MTMR6: variants seen among roughly 807,000 people sequenced by gnomAD.
MTMR6 encodes the protein phosphatidylinositol-3,5-bisphosphate 3-phosphatase MTMR6.
Under a neutral mutation model 80.1 loss-of-function variants are expected in MTMR6, and 47 were observed. The ratio of observed to expected loss-of-function variants is 0.59; its 90% CI spans 0.46 to 0.75. The LOEUF is 0.75. MTMR6 is among the 30% of genes least tolerant of loss of function. The pLI, the probability that MTMR6 is intolerant of heterozygous loss-of-function variation, is 0.00. For missense variants in MTMR6, 629 were observed against 730.9 expected (o/e 0.86, Z 1.61); for synonymous variants, 254 against 253.0 (o/e 1.00, Z -0.04).
At position 25,266,138 on chromosome 13, in the gene MTMR6, C is replaced by T. The variant is rs762501457; in HGVS notation, c.453G>A (p.Arg151=). 3.1e-6 allele frequency: 5 copies of T among 1,613,518 alleles called. No individual in the cohort carries two copies. Among genetic ancestry groups the T allele is most frequent in the Non-Finnish European group, 4.2e-6 (5 of 1,179,886 alleles). ...NSHWQLSDAN[R]DYKICETYPR... is the part of the protein sequence containing the mutation. ...AATGTTGTTAAGGTACCTTGTAGTC[C>T]CGGTTGGCATCAGACAACTGCCAGT... The change falls in exon 4 of 14, where the codon CGG becomes CGA. Residue 151 remains arginine (R), a synonymous_variant. Coordinates refer to ENST00000381801, the MANE Select transcript of MTMR6 (RefSeq NM_004685.5).
chr13:25,282,145 C>A (rs1957864838), intron 1 of MTMR6, among the ~76,000 whole-genome samples: 1 of 152,034 alleles, frequency 6.6e-6, no homozygotes. Flanking sequence ...CCTGTTGTTC[C>A]CTTTGTTGGG....
intron 9 of MTMR6, among the ~76,000 whole-genome samples, chr13:25,256,637 A>G (rs1184961665): frequency 6.6e-6 from 1 of 152,176 alleles, no homozygotes; most frequent in Non-Finnish European, 1.5e-5. Context: ...CAAAGAAACA[A>G]AAAAAAGGAA....
In MTMR6 at chr13:25,257,830, C is replaced by G; in HGVS notation, c.875G>C (p.Gly292Ala). The G allele has an allele frequency of 6.2e-7, 1 of 1,612,720 alleles. No homozygotes were observed. Among genetic ancestry groups the G allele is most frequent in the Non-Finnish European group, 8.5e-7 (1 of 1,179,270 alleles). ...QKLLEVNGTK[G>A]LSVNDFYSGL... is the part of the protein sequence containing the mutation. ...GGAGTAGAAATCATTGACAGAAAGC[C>G]CTTTAGTGCCATTGACTGAAAGAGG... Residue 292 changes from glycine (G) to alanine (A), a missense_variant, in exon 8 of 14, where the codon GGG (glycine) becomes GCG (alanine). By Grantham distance (60) the Gly-to-Ala change is moderately conservative. Coordinates refer to ENST00000381801, the MANE Select transcript of MTMR6 (RefSeq NM_004685.5).
At chr13:25,263,340 T>G (rs1317966657) in intron 5 of MTMR6, among the ~76,000 whole-genome samples, 1 of 152,096 alleles carries the variant, frequency 6.6e-6, no homozygotes, top group Non-Finnish European at 1.5e-5. Flanking sequence ...ACCACCAGAT[T>G]CTCCCTTACC....
In MTMR6 at chr13:25,267,301, A is replaced by G. The variant is rs117505710; in HGVS notation, c.304+478T>C. Among the ~76,000 whole-genome samples, 295 of 151,284 alleles carry G rather than the reference A, an allele frequency of 1.9e-3. 1 individual carries two copies. The highest frequency in any genetic ancestry group is 3.3e-3 in the Non-Finnish European group (224 of 67,958). Reference sequence around the variant, plus strand: ...TAGGACTGCTATCCCTCTCAACCTTACTTCTACTAAAATAGAATTCACCCT... The same window carrying G: ...TAGGACTGCTATCCCTCTCAACCTTGCTTCTACTAAAATAGAATTCACCCT... On this transcript the variant is annotated intron_variant, in intron 3 of 13. Transcript: ENST00000381801.
At chr13:25,260,774 TTAAC>T in intron 6 of MTMR6, 1 of 558,946 alleles carries the variant, frequency 1.8e-6, no homozygotes. Context: ...AACTGGTTGT[TTAAC>T]TATGTTAATA....
chr13:25,266,088 A>G, intron 4 of MTMR6, 41 bp downstream of exon 4: 1 of 1,609,282 alleles, frequency 6.2e-7, no homozygotes, highest in Non-Finnish European at 8.5e-7. Flanking sequence ...ACCCTCTGGT[A>G]CTAACACTTT....
intron 1 of MTMR6, 73 bp from the exon 2 acceptor site, chr13:25,274,260 C>T (rs1957654961): frequency 2.1e-6 from 2 of 935,188 alleles, no homozygotes; most frequent in Admixed American, 2.6e-5. Context: ...CCAGGACTTA[C>T]ATGCAACATT....
intron 2 of MTMR6, among the ~76,000 whole-genome samples, chr13:25,269,121 C>G (rs1957514110): frequency 6.6e-6 from 1 of 152,148 alleles, no homozygotes; most frequent in South Asian, 2.1e-4. Context: ...TGCCCATGAG[C>G]ACAGGAGGGA....
chr13:25,285,824 G>T (rs1275001242), intron 1 of MTMR6, among the ~76,000 whole-genome samples: 1 of 152,084 alleles, frequency 6.6e-6, no homozygotes, highest in South Asian at 2.1e-4. Context: ...GTGAGCCACC[G>T]TGCCCAGCCT....
chr13:25,265,908 T>G lies in MTMR6; in HGVS notation c.502A>C (p.Ile168Leu). The change falls in exon 5 of 14, where the codon ATA becomes CTA. Residue 168 changes from isoleucine (I) to leucine (L), a missense_variant. Ile to Leu is a conservative substitution (Grantham distance 5). Transcript: ENST00000381801. ...TYPRELYVPR[I>L]ASKPIIVGSS... ...CCAACAATTATTGGTTTGCTTGCTATCCGGGGAACATAAAGTTCTCTGGGG... is the reference window on the plus strand; with the variant it reads ...CCAACAATTATTGGTTTGCTTGCTAGCCGGGGAACATAAAGTTCTCTGGGG... 1 of 1,614,124 alleles carries G rather than the reference T, an allele frequency of 6.2e-7. No homozygotes were observed.
chr13:25,265,995 C>A, intron 4 of MTMR6, 48 bp from the exon 5 acceptor site: 1 of 1,604,492 alleles, frequency 6.2e-7, no homozygotes, highest in South Asian at 1.1e-5. Context: ...AGTTCAAAAC[C>A]ACTTTAAAAA....
chr13:25,264,775 A>AAAAAAAAAAAG (rs1491106020), intron 5 of MTMR6, among the ~76,000 whole-genome samples: 3 of 133,732 alleles, frequency 2.2e-5, no homozygotes, highest in East Asian at 5.2e-4. Flanking sequence ...AAAAAAAAAA[A>AAAAAAAAAAAG]GAAATTTCAG....
intron 1 of MTMR6, among the ~76,000 whole-genome samples, chr13:25,282,119 T>C (rs1957863598): frequency 1.3e-5 from 2 of 152,266 alleles, no homozygotes; most frequent in African/African-American, 2.4e-5. Flanking sequence ...AGGCATGCCC[T>C]CAAAGGGTTT....
chr13:25,251,959 A>G lies in MTMR6; in HGVS notation c.1372T>C (p.Trp458Arg). The stretch of plus-strand genomic sequence containing the variant: ...TTTTGGTCTTCCAAAAGAAATGGCC[A>G]CAGGGAATAAGTCTTCTCCTTCAAC... ...LKLKEKTYSL[W>R]PFLLEDQKKY... The change falls in exon 12 of 14, where the codon TGG (tryptophan) becomes CGG (arginine). Residue 458 changes from tryptophan (W) to arginine (R), a missense_variant. By Grantham distance (101) the Trp-to-Arg change is moderately radical (BLOSUM62 -3). Coordinates refer to ENST00000381801, the MANE Select transcript of MTMR6 (RefSeq NM_004685.5). The surrounding 1 kb of genome is among the most constrained non-coding windows in gnomAD (Gnocchi z 4.1). 1 of 1,611,610 alleles carries G rather than the reference A, an allele frequency of 6.2e-7. No individual in the cohort carries two copies. The highest frequency in any genetic ancestry group is 8.5e-7 in the Non-Finnish European group (1 of 1,179,148).
intron 2 of MTMR6, among the ~76,000 whole-genome samples, 163 bp from the exon 3 acceptor site, chr13:25,268,104 A>G (rs1362889643): frequency 6.6e-6 from 1 of 152,218 alleles, no homozygotes; most frequent in African/African-American, 2.4e-5. Context: ...AGTCAGAAAT[A>G]TGGGTGTCAC....
At chr13:25,271,567 C>G (rs1957577125) in intron 2 of MTMR6, among the ~76,000 whole-genome samples, 1 of 152,254 alleles carries the variant, frequency 6.6e-6, no homozygotes, top group Non-Finnish European at 1.5e-5. Flanking sequence ...GCTAGTGGCA[C>G]AGAAACATGC....
At chr13:25,271,436 A>G (rs912613685) in intron 2 of MTMR6, among the ~76,000 whole-genome samples, 6 of 152,228 alleles carry the variant, frequency 3.9e-5, no homozygotes, top group African/African-American at 1.4e-4. Flanking sequence ...GCTACCTGAC[A>G]ACACAGTCTA....
At position 25,265,383 on chromosome 13, in the gene MTMR6, A is replaced by G. The variant is rs565388029; in HGVS notation, c.591+436T>C. On this transcript the variant is annotated intron_variant, in intron 5 of 13. Coordinates refer to ENST00000381801, the MANE Select transcript of MTMR6 (RefSeq NM_004685.5). ...CTGTATTTGAGTAGTTTTGTTTTAA[A>G]TTTGCAAAAACGTAATTAAACAAAA... 2.6e-5 allele frequency among the ~76,000 whole-genome samples: 4 copies of G among 152,306 alleles called. No individual in the cohort carries two copies. In the South Asian group the frequency reaches 8.3e-4, roughly 32 times the overall value.
Sources: allele counts gnomAD v4.1 joint callset (sites outside exome capture counted in the v4.1 genomes callset), GRCh38; gene constraint gnomAD v4.1.1; non-coding constraint Gnocchi (gnomAD v3.1); transcripts MANE v1.5; gene names NCBI Gene and HGNC (gene_info 2026-07-23, HGNC 2026-07-21).